Variants in SLC49A3 observed in about 807,000 individuals in gnomAD.
The protein encoded by SLC49A3 is solute carrier family 49 member 3, also known as solute carrier family 49 member A3.
SLC49A3 carries 50 observed loss-of-function variants against 43.8 expected under a neutral mutation model. That is an observed-to-expected ratio of 1.14 (90% CI 0.91 to 1.45). The LOEUF (loss-of-function observed/expected upper bound fraction) is 1.45. SLC49A3 is among the 40% of genes most tolerant of loss of function. The pLI is 0.00. For missense variants in SLC49A3, 906 were observed against 774.1 expected, an observed-to-expected ratio of 1.17 and a Z score of -2.02; for synonymous variants, 413 against 352.0, an observed-to-expected ratio of 1.17 and a Z score of -1.94.
In SLC49A3 at chr4:682,037, G is replaced by A; in HGVS notation, c.1601C>T (p.Ala534Val). The part of the protein sequence containing the change: ...TDAPSRPGRL[A>V]GRVQASRFID... The stretch of plus-strand genomic sequence containing the variant: ...AAACCTGGACGCTTGGACCCTGCCT[G>A]CGAGTCTGCCGGGGCGGGAGGGCGC... The change falls in exon 10 of 10, where the codon GCA (alanine) becomes GTA (valine). Residue 534 changes from alanine (A) to valine (V), a missense_variant. Ala to Val is a moderately conservative substitution (Grantham distance 64, BLOSUM62 0). Coordinates refer to ENST00000322224, the MANE Select transcript of SLC49A3 (RefSeq NM_032219.4). 1 of 1,426,798 alleles carries A rather than the reference G, an allele frequency of 7.0e-7. No homozygotes were observed. The highest frequency in any genetic ancestry group is 9.3e-7 in the Non-Finnish European group (1 of 1,077,748). The allele number at this position is 1,426,798 out of a possible 1,614,324, so 88.4% of individuals were successfully genotyped here. A position where few individuals can be genotyped will look rare whatever the true frequency, so the allele number is the denominator to read the frequency against.
chr4:684,704 T>A lies in SLC49A3; in HGVS notation c.723+15A>T, dbSNP rs1485417511. 1 of 1,607,422 alleles carries A rather than the reference T, an allele frequency of 6.2e-7. No homozygotes were observed. The highest frequency in any genetic ancestry group is 1.3e-5 in the African/African-American group (1 of 74,564). ...CCCCAAATCCACCCTACCCCGGGGA[T>A]CCCACGGCACTGACCAGCTTGAGCC... On this transcript the variant is annotated intron_variant, in intron 5 of 9. Coordinates refer to ENST00000322224, the MANE Select transcript of SLC49A3 (RefSeq NM_032219.4).
chr4:680,197 C>T (rs1295510758), downstream of SLC49A3, among the ~76,000 whole-genome samples: 1 of 151,704 alleles, frequency 6.6e-6, no homozygotes, highest in Admixed American at 6.5e-5. Flanking sequence ...CTCAGGCCCG[C>T]CCTCCTGCCC....
In SLC49A3 at chr4:685,683, G is replaced by A. The variant is rs1410435600; in HGVS notation, c.585+152C>T. The A allele has an allele frequency of 2.3e-5, 18 of 777,338 alleles. No individual in the cohort carries two copies. Among genetic ancestry groups the A allele is most frequent in the Admixed American group, 1.7e-4 (7 of 41,676 alleles). The allele number at this position is 777,338 out of a possible 1,614,324, so 48.2% of individuals were successfully genotyped here. A position where few individuals can be genotyped will look rare whatever the true frequency, so the allele number is the denominator to read the frequency against. On this transcript the variant is annotated intron_variant, in intron 4 of 9. Coordinates refer to ENST00000322224, the MANE Select transcript of SLC49A3 (RefSeq NM_032219.4). The surrounding 1 kb of genome is among the most constrained non-coding windows in gnomAD (Gnocchi z 4.3). ...ATCGCGCCACTGCAATTCAGCCTGAGCGACAGGCTGAGACTCCTTCTCGGG... is the reference window on the plus strand; with the variant it reads ...ATCGCGCCACTGCAATTCAGCCTGAACGACAGGCTGAGACTCCTTCTCGGG...
At chr4:678,008 A>AAAGCAGGCAG, downstream of SLC49A3, 1 of 1,613,454 alleles carries the variant, frequency 6.2e-7, no homozygotes, top group Admixed American at 1.7e-5. Context: ...CAGACGCATC[A>AAAGCAGGCAG]AAGCAGGCAG....
downstream of SLC49A3, among the ~76,000 whole-genome samples, chr4:677,369 C>G (rs1033508326): frequency 1.3e-5 from 2 of 152,210 alleles, no homozygotes; most frequent in African/African-American, 4.8e-5. Context: ...GTGGGGAAGA[C>G]CAGGCTCAGG....
chr4:679,144 G>A, downstream of SLC49A3: 7 of 785,184 alleles, frequency 8.9e-6, no homozygotes, highest in South Asian at 1.4e-4. Flanking sequence ...CCGCGCCTCA[G>A]AGGCCCACCA....
chr4:682,794 T>C lies in SLC49A3; in HGVS notation c.1248A>G (p.Pro416=), dbSNP rs139601570. ...SLSTCQQGED[P]LDWTVSLLLM... is the part of the protein sequence containing the mutation. ...TGTGAGGCTCACCTGTCCAGTCAAG[T>C]GGATCCTCCCCCTGCTGGCAGGTGG... Residue 416 remains proline (P), a synonymous_variant, in exon 9 of 10, where the codon CCA becomes CCG. Coordinates refer to ENST00000322224, the MANE Select transcript of SLC49A3 (RefSeq NM_032219.4). 55 of 1,590,646 alleles carry C rather than the reference T, an allele frequency of 3.5e-5. No individual in the cohort carries two copies. Among genetic ancestry groups the C allele is most frequent in the Admixed American group, 2.8e-4 (16 of 58,100 alleles).
downstream of SLC49A3, chr4:678,633 C>T: frequency 6.3e-7 from 1 of 1,588,752 alleles, no homozygotes; most frequent in Non-Finnish European, 8.6e-7. Flanking sequence ...GCCCAGGACC[C>T]TCAGCCATGG....
chr4:681,488 G>A (rs1370907132), downstream of SLC49A3, among the ~76,000 whole-genome samples: 1 of 99,552 alleles, frequency 1.0e-5, no homozygotes. Context: ...GACTAATGCC[G>A]GGCCACCCCT....
chr4:680,107 A>G (rs987346377), downstream of SLC49A3: 49 of 1,280,236 alleles, frequency 3.8e-5, no homozygotes, highest in Non-Finnish European at 5.1e-5. Flanking sequence ...TCTCTTTTCC[A>G]ATCTCTGGAG....
At chr4:680,848 C>A (rs112581443), downstream of SLC49A3, 4 of 635,182 alleles carry the variant, frequency 6.3e-6, no homozygotes, top group African/African-American at 1.8e-5. Context: ...TGCTAGGCGC[C>A]GGGGAAAGTA....
downstream of SLC49A3, chr4:680,035 C>T (rs1237087049): frequency 1.3e-6 from 2 of 1,582,652 alleles, no homozygotes; most frequent in South Asian, 1.1e-5. Context: ...ACCGGTGGGG[C>T]AGGCCTGGCC....
At chr4:686,415 G>C in intron 2 of SLC49A3, 113 bp from the exon 3 acceptor site, 1 of 1,565,984 alleles carries the variant, frequency 6.4e-7, no homozygotes, top group East Asian at 2.2e-5. Context: ...GGCTCTGCCG[G>C]GGTCCCCAGC....
rs371904249 is a variant in SLC49A3 at position 685,785 on chromosome 4, C to T, written c.585+50G>A. ...TTGGGATCAGGAACACACAGACGTG[C>T]ATGCGCACACACCACACAGACCAGG... On this transcript the variant is annotated intron_variant, in intron 4 of 9. Transcript: ENST00000322224. This position sits in a 1 kb window ranked among gnomAD's most constrained non-coding sequence, Gnocchi z 4.3. 1.3e-6 allele frequency: 2 copies of T among 1,583,762 alleles called. No homozygotes were observed. The highest frequency in any genetic ancestry group is 2.7e-5 in the African/African-American group (2 of 74,266).
At chr4:684,344 G>T in intron 6 of SLC49A3, 139 bp downstream of exon 6, 1 of 1,197,708 alleles carries the variant, frequency 8.3e-7, no homozygotes. Flanking sequence ...GGGCATCTCG[G>T]GAGGGCCCAC....
downstream of SLC49A3, among the ~76,000 whole-genome samples, chr4:679,434 C>T (rs944292874): frequency 6.6e-6 from 1 of 152,242 alleles, no homozygotes; most frequent in Non-Finnish European, 1.5e-5. Context: ...AGACGCTGCC[C>T]AGCCTCTGCA....
chr4:684,999 T>C (rs9998786), intron 4 of SLC49A3, 143 bp from the exon 5 acceptor site: 210,042 of 1,182,856 alleles, frequency 0.18, 21,136 homozygotes, highest in African/African-American at 0.41. Flanking sequence ...CAGCTGCCCT[T>C]TGCGAGGCCC....
At chr4:682,677 C>T in intron 9 of SLC49A3, 104 bp downstream of exon 9, 1 of 912,904 alleles carries the variant, frequency 1.1e-6, no homozygotes, top group Non-Finnish European at 1.6e-6. Flanking sequence ...ACCTGTCCTG[C>T]TGTTTAGGGC....
chr4:678,382 C>T, downstream of SLC49A3: 2 of 1,413,836 alleles, frequency 1.4e-6, no homozygotes, highest in Non-Finnish European at 1.8e-6. Flanking sequence ...CTGGCTCCTG[C>T]TGGACGGCGA....
Sources: gnomAD v4.1 joint callset for allele counts (sites outside exome capture counted in the v4.1 genomes callset) on GRCh38, gnomAD v4.1.1 for gene constraint, Gnocchi (gnomAD v3.1) non-coding constraint, MANE v1.5 for transcripts, NCBI Gene and HGNC (gene_info 2026-07-23, HGNC 2026-07-21) for gene names.